The following PPWD1 variants were observed in gnomAD, a reference collection of about 807,000 sequenced individuals.
PPWD1 encodes the protein peptidylprolyl isomerase domain and WD repeat containing 1, also known as peptidylprolyl isomerase domain and WD repeat-containing protein 1.
PPWD1 carries 43 observed loss-of-function variants against 68.8 expected under a neutral mutation model. The observed-to-expected ratio is 0.62, with a 90% confidence interval of 0.49 to 0.81. The LOEUF (loss-of-function observed/expected upper bound fraction) is 0.81. PPWD1 is among the 30% of genes least tolerant of loss of function. The probability of loss-of-function intolerance (pLI) is 0.00; values close to 1 mark genes in which losing one functional copy is unlikely to be tolerated. For missense variants in PPWD1, 672 were observed against 804.8 expected (o/e 0.83, Z 2.00); for synonymous variants, 232 against 258.7 (o/e 0.90, Z 0.99).
At chr5:65,579,148 C>T (rs562578802) in intron 6 of PPWD1, 6 of 246,652 alleles carry the variant, frequency 2.4e-5, no homozygotes, top group Middle Eastern at 1.3e-3. Context: ...AACTCCTGAC[C>T]TCAAGTGATC....
chr5:65,584,350 T>C (rs1189860466), intron 8 of PPWD1, among the ~76,000 whole-genome samples: 1 of 152,170 alleles, frequency 6.6e-6, no homozygotes, highest in Non-Finnish European at 1.5e-5. Flanking sequence ...AATAATTGCA[T>C]AATTTTCAGT....
At chr5:65,569,462 T>C in intron 2 of PPWD1, 170 bp from the exon 3 acceptor site, 1 of 592,076 alleles carries the variant, frequency 1.7e-6, no homozygotes, top group Non-Finnish European at 2.5e-6. Flanking sequence ...CAGAAAGGAG[T>C]TTCAAAATTT....
chr5:65,578,934 ATT>A (rs1561729692), intron 6 of PPWD1, among the ~76,000 whole-genome samples: 1 of 150,638 alleles, frequency 6.6e-6, no homozygotes, highest in Non-Finnish European at 1.5e-5. Flanking sequence ...GTTGTTTTTT[ATT>A]GAGATGGAGT....
chr5:65,575,370 C>T (rs990760091), intron 5 of PPWD1, among the ~76,000 whole-genome samples: 15 of 152,306 alleles, frequency 9.8e-5, no homozygotes, highest in African/African-American at 3.4e-4. Flanking sequence ...GTCTCCCTGT[C>T]TTTGAGACTA....
rs1336887518 is a variant in PPWD1, at chr5:65,586,643, T to C, written c.1797+462T>C. Among the ~76,000 whole-genome samples the C allele has an allele frequency of 1.2e-4, 19 of 152,108 alleles. 1 individual carries two copies. Among genetic ancestry groups the C allele is most frequent in the Admixed American group, 1.2e-3 (18 of 15,260 alleles). On this transcript the variant is annotated intron_variant, in intron 10 of 10. Coordinates refer to ENST00000261308, the MANE Select transcript of PPWD1 (RefSeq NM_015342.4). ...TCTATTGCTATGCCATAACACAAAA[T>C]TATAAAAATTACCTAGTTTTTGTTT...
intron 5 of PPWD1, among the ~76,000 whole-genome samples, chr5:65,574,732 G>T (rs1262935916): frequency 6.6e-6 from 1 of 152,060 alleles, no homozygotes; most frequent in Non-Finnish European, 1.5e-5. Context: ...CAAAGTGCTG[G>T]GATTACAGGC....
At chr5:65,582,155 G>C (rs977516498) in intron 7 of PPWD1, among the ~76,000 whole-genome samples, 28 of 152,286 alleles carry the variant, frequency 1.8e-4, no homozygotes, top group Middle Eastern at 3.4e-3. Context: ...AGGCAAGATA[G>C]GGATGGAGGC....
chr5:65,567,767 A>G, intron 2 of PPWD1, 152 bp downstream of exon 2: 2 of 1,287,426 alleles, frequency 1.6e-6, no homozygotes, highest in African/African-American at 3.0e-5. Flanking sequence ...GTTCTTTCCT[A>G]TATCGTACAA....
At chr5:65,578,137 G>A (rs2150601792) in intron 6 of PPWD1, among the ~76,000 whole-genome samples, 1 of 152,234 alleles carries the variant, frequency 6.6e-6, no homozygotes, top group African/African-American at 2.4e-5. Flanking sequence ...TCGGTAATAT[G>A]CATTTAAGTT....
At chr5:65,564,314 CTCTCTTTTTTTT>C (rs1441939795) in intron 1 of PPWD1, among the ~76,000 whole-genome samples, 2 of 133,154 alleles carry the variant, frequency 1.5e-5, no homozygotes, top group African/African-American at 2.8e-5. Flanking sequence ...ATTATTTTCT[CTCTCTTTTTTTT>C]TTTTTTTTTT....
chr5:65,584,226 T>G (rs550978681), intron 8 of PPWD1, among the ~76,000 whole-genome samples: 2 of 152,330 alleles, frequency 1.3e-5, no homozygotes, highest in South Asian at 4.1e-4. Flanking sequence ...TCACTTTAAG[T>G]GCTCAAAACC....
chr5:65,583,286 C>A, intron 8 of PPWD1, 67 bp downstream of exon 8: 2 of 1,314,078 alleles, frequency 1.5e-6, no homozygotes, highest in Non-Finnish European at 2.0e-6. Context: ...TCTGAAGAAA[C>A]CATGCAACTT....
intron 6 of PPWD1, among the ~76,000 whole-genome samples, chr5:65,578,633 T>A (rs1017399019): frequency 1.3e-5 from 2 of 151,466 alleles, no homozygotes; most frequent in African/African-American, 4.8e-5. Context: ...ATCTCTTTGA[T>A]GAAGTATATG....
In PPWD1 at chr5:65,574,448, C is replaced by CTTT. The variant is rs573705705; in HGVS notation, c.969+2186_969+2188dup. Among the ~76,000 whole-genome samples, 146 of 92,000 alleles carry CTTT rather than the reference C, an allele frequency of 1.6e-3. 3 individuals are homozygous for CTTT. Among genetic ancestry groups the CTTT allele is most frequent in the East Asian group, 2.3e-3 (8 of 3,414 alleles). 60.4% of individuals were successfully genotyped at this position (92,000 alleles called of 152,430 possible). On this transcript the variant is annotated intron_variant, in intron 5 of 10. Transcript: ENST00000261308. ...GAATCTAGTCTCTGGACACAAATCT[C>CTTT]TTTTTTTTTTTTTTTTTTTTTTTTT...
chr5:65,582,342 A>G (rs572898937), intron 7 of PPWD1, among the ~76,000 whole-genome samples: 1 of 152,304 alleles, frequency 6.6e-6, no homozygotes, highest in East Asian at 1.9e-4. Flanking sequence ...GAAAATTTGC[A>G]TTCTTTCTCC....
At position 65,563,340 on chromosome 5, in the gene PPWD1, G is replaced by T. The variant is rs1226997268; in HGVS notation, c.30G>T (p.Gln10His). 6.2e-7 allele frequency: 1 copy of T among 1,613,942 alleles called. No homozygotes were observed. The highest frequency in any genetic ancestry group is 8.5e-7 in the Non-Finnish European group (1 of 1,179,970). ...CGGCGGAAAGTGGTAGCGATTTTCA[G>T]CAGAGACGTAGAAGGCGCCGGGACC... Reference protein sequence around the residue: MAAESGSDFQQRRRRRRDPE... With the variant: MAAESGSDFHQRRRRRRDPE... The change falls in exon 1 of 11, where the codon CAG (glutamine) becomes CAT (histidine). Residue 10 changes from glutamine to histidine, a missense_variant. This residue lies in a region of PPWD1 where 188 missense variants were observed against 158.6 expected (regional missense o/e 1.19). Transcript: ENST00000261308.
intron 7 of PPWD1, chr5:65,582,740 C>T (rs1367308082): frequency 5.3e-6 from 1 of 189,884 alleles, no homozygotes; most frequent in Non-Finnish European, 1.1e-5. Flanking sequence ...CGAGAGCTAC[C>T]ACAAATGAAA....
intron 8 of PPWD1, among the ~76,000 whole-genome samples, chr5:65,584,108 A>C (rs1442129352): frequency 6.6e-6 from 1 of 152,196 alleles, no homozygotes; most frequent in East Asian, 1.9e-4. Context: ...ATCTTTTACA[A>C]CACTTTTACT....
intron 1 of PPWD1, chr5:65,563,918 A>G (rs1752490660): frequency 7.6e-7 from 1 of 1,309,958 alleles, no homozygotes; most frequent in African/African-American, 1.5e-5. Flanking sequence ...GGGGCGCGAG[A>G]GGAAGGCGGT....
Sources: gnomAD v4.1 joint callset for allele counts (sites outside exome capture counted in the v4.1 genomes callset) on GRCh38, gnomAD v4.1.1 for gene constraint, gnomAD v4.1.1 regional missense constraint, MANE v1.5 for transcripts, NCBI Gene and HGNC (gene_info 2026-07-23, HGNC 2026-07-21) for gene names.